Variants in CASR observed in about 807,000 individuals in gnomAD.
The protein encoded by CASR is calcium sensing receptor.
CASR carries 23 observed loss-of-function variants against 69.1 expected under a neutral mutation model. The ratio of observed to expected loss-of-function variants is 0.33; its 90% CI spans 0.24 to 0.47. The LOEUF is 0.47. Among genes scored for constraint, CASR ranks in the 20% least tolerant of loss-of-function variants. The pLI, the probability that CASR is intolerant of heterozygous loss-of-function variation, is 1.00. For synonymous variants in CASR, 541 were observed against 544.7 expected, an observed-to-expected ratio of 0.99 and a Z score of 0.10; for missense variants, 924 against 1,356.1, an observed-to-expected ratio of 0.68 and a Z score of 5.00.
chr3:122,273,357 A>G (rs1230860953), intron 4 of CASR, among the ~76,000 whole-genome samples: 1 of 152,204 alleles, frequency 6.6e-6, no homozygotes, highest in Non-Finnish European at 1.5e-5. Flanking sequence ...TTCATCATCT[A>G]GAAAATGAAG....
intron 1 of CASR, among the ~76,000 whole-genome samples, chr3:122,203,773 T>C (rs1053275484): frequency 6.6e-6 from 1 of 152,176 alleles, no homozygotes; most frequent in Admixed American, 6.5e-5. Flanking sequence ...TACTATGATG[T>C]TGGGATAGGT....
intron 1 of CASR, among the ~76,000 whole-genome samples, chr3:122,192,726 T>C (rs1037345918): frequency 1.3e-5 from 2 of 152,230 alleles, no homozygotes; most frequent in Admixed American, 6.5e-5. Flanking sequence ...TCTTAATGCA[T>C]AGATTACCAA....
At chr3:122,233,686 T>A (rs2074300948) in intron 1 of CASR, among the ~76,000 whole-genome samples, 1 of 152,204 alleles carries the variant, frequency 6.6e-6, no homozygotes, top group African/African-American at 2.4e-5. Flanking sequence ...CATGGGCTAC[T>A]TGGGCGGTTG....
At chr3:122,202,023 C>A (rs1429987929) in intron 1 of CASR, among the ~76,000 whole-genome samples, 1 of 152,148 alleles carries the variant, frequency 6.6e-6, no homozygotes, top group Non-Finnish European at 1.5e-5. Context: ...GGGTGGCAGC[C>A]GGGCAGAGGC....
chr3:122,252,400 A>T (rs61558436), intron 1 of CASR, among the ~76,000 whole-genome samples: 2,069 of 50,732 alleles, frequency 0.041, 82 homozygotes, highest in African/African-American at 0.054. Context: ...GGAAGGAAGG[A>T]AGGAAGGAAA....
chr3:122,282,675 T>C (rs772168980), intron 6 of CASR, among the ~76,000 whole-genome samples: 6 of 152,244 alleles, frequency 3.9e-5, no homozygotes, highest in Non-Finnish European at 8.8e-5. Context: ...ACCTATCCTA[T>C]AGAATTTTGA....
At chr3:122,245,508 GAGAGAAGCA>G (rs2074418991) in intron 1 of CASR, 1 of 152,162 alleles carries the variant, frequency 6.6e-6, no homozygotes, top group East Asian at 1.9e-4. Flanking sequence ...ATGGGGTGAG[GAGAGAAGCA>G]AGGAATGATA....
chr3:122,224,544 G>T (rs1445089215), intron 1 of CASR, among the ~76,000 whole-genome samples: 2 of 152,126 alleles, frequency 1.3e-5, no homozygotes, highest in Non-Finnish European at 2.9e-5. Context: ...AATCAGAGAA[G>T]ACACAAACAA....
At position 122,208,318 on chromosome 3, in the gene CASR, A is replaced by G. The variant is rs1190037983; in HGVS notation, c.-243+24506A>G. On this transcript the variant is annotated intron_variant, in intron 1 of 6. Transcript: ENST00000639785. ...TAGCCTCTTGAGCAGCTAGGAATAC[A>G]GTCACCACACCCAGCCTAAATTTTC... Among the ~76,000 whole-genome samples, 4 of 152,306 alleles carry G rather than the reference A, an allele frequency of 2.6e-5. No homozygotes were observed. The East Asian group carries it at 7.7e-4, about 29-fold the overall frequency.
chr3:122,251,700 A>T (rs1454329317), intron 1 of CASR, among the ~76,000 whole-genome samples: 1 of 152,256 alleles, frequency 6.6e-6, no homozygotes, highest in Non-Finnish European at 1.5e-5. Context: ...AGTGTGACAT[A>T]CAAAGAGAAG....
At chr3:122,283,043 C>G (rs1378575102) in intron 6 of CASR, among the ~76,000 whole-genome samples, 1 of 152,150 alleles carries the variant, frequency 6.6e-6, no homozygotes, top group Non-Finnish European at 1.5e-5. Flanking sequence ...TCTGCAGCCT[C>G]CCTCATCAAA....
rs1247978794 is a variant in CASR, at chr3:122,288,598, G to C, written c.*3407G>C. Reference sequence around the variant, plus strand: ...TCTAATATTCTATTCCTCTACATCTGCTTGGGAAAGTATAAACCTCATATT... The same window carrying C: ...TCTAATATTCTATTCCTCTACATCTCCTTGGGAAAGTATAAACCTCATATT... On this transcript the variant is annotated 3_prime_UTR_variant, in exon 7 of 7. Coordinates refer to ENST00000639785, the MANE Select transcript of CASR (RefSeq NM_000388.4). The C allele has an allele frequency of 6.6e-6, 1 of 151,714 alleles. No homozygotes were observed. Among genetic ancestry groups the C allele is most frequent in the Non-Finnish European group, 1.5e-5 (1 of 68,010 alleles). 9.4% of individuals were successfully genotyped at this position (151,714 alleles called of 1,614,324 possible).
chr3:122,272,256 C>T (rs1168177536), intron 4 of CASR, among the ~76,000 whole-genome samples: 2 of 152,168 alleles, frequency 1.3e-5, no homozygotes, highest in African/African-American at 2.4e-5. Context: ...AAGTTCTCTA[C>T]GTTTCAATCA....
rs1360420344 is a variant in CASR at position 122,291,482 on chromosome 3, G to T, written c.*6291G>T. 1 of 152,194 alleles carries T rather than the reference G, an allele frequency of 6.6e-6. No individual in the cohort carries two copies. Among genetic ancestry groups the T allele is most frequent in the Non-Finnish European group, 1.5e-5 (1 of 68,034 alleles). The allele number at this position is 152,194 out of a possible 1,614,324, so 9.4% of individuals were successfully genotyped here. A position where few individuals can be genotyped will look rare whatever the true frequency, so the allele number is the denominator to read the frequency against. On this transcript the variant is annotated 3_prime_UTR_variant, in exon 7 of 7. Coordinates refer to ENST00000639785, the MANE Select transcript of CASR (RefSeq NM_000388.4). ...GATTTGCATTTCTCTGATGGCCAGT[G>T]ATGATGAGCATTATAAATGAAGATT... is the stretch of plus-strand genomic sequence containing the variant.
intron 1 of CASR, among the ~76,000 whole-genome samples, chr3:122,209,650 G>A (rs534918367): frequency 3.9e-5 from 6 of 152,086 alleles, no homozygotes; most frequent in Non-Finnish European, 7.4e-5. Flanking sequence ...CCCACAACAC[G>A]TGGGAACTAT....
At chr3:122,200,676 T>C (rs937916918) in intron 1 of CASR, among the ~76,000 whole-genome samples, 10 of 152,240 alleles carry the variant, frequency 6.6e-5, no homozygotes, top group African/African-American at 2.4e-4. Flanking sequence ...TTTCCTGCTG[T>C]TATAAAAAAT....
chr3:122,207,114 G>C (rs77689991), intron 1 of CASR, among the ~76,000 whole-genome samples: 14 of 151,678 alleles, frequency 9.2e-5, no homozygotes, highest in African/African-American at 3.4e-4. Flanking sequence ...GGTTTGGTTT[G>C]TTCTTGCTTT....
chr3:122,250,235 C>A (rs2107620597), intron 1 of CASR, among the ~76,000 whole-genome samples: 1 of 152,040 alleles, frequency 6.6e-6, no homozygotes, highest in South Asian at 2.1e-4. Flanking sequence ...TCTAGAATGA[C>A]CCTCAGCTTT....
At chr3:122,270,032 G>A (rs1300686398) in intron 4 of CASR, among the ~76,000 whole-genome samples, 5 of 151,966 alleles carry the variant, frequency 3.3e-5, no homozygotes, top group Non-Finnish European at 5.9e-5. Context: ...AGTAGAGATG[G>A]GGTTTCACCA....
Sources: allele counts gnomAD v4.1 joint callset (sites outside exome capture counted in the v4.1 genomes callset), GRCh38; gene constraint gnomAD v4.1.1; transcripts MANE v1.5; gene names NCBI Gene and HGNC (gene_info 2026-07-23, HGNC 2026-07-21).